Variants in XPO7 observed in about 807,000 individuals in gnomAD.
XPO7 encodes exportin-7.
A neutral mutation model predicts 144.3 loss-of-function variants in XPO7; 21 were observed. The ratio of observed to expected loss-of-function variants is 0.15; its 90% CI spans 0.10 to 0.21. The LOEUF (loss-of-function observed/expected upper bound fraction) is 0.21. XPO7 is among the 10% of genes least tolerant of loss of function. XPO7 has a pLI of 1.00. For missense variants in XPO7, 808 were observed against 1,325.8 expected (o/e 0.61, Z 6.06); for synonymous variants, 580 against 499.6 (o/e 1.16, Z -2.15).
chr8:21,940,759 G>A lies in XPO7; in HGVS notation c.18+20971G>A, dbSNP rs545598719. Among the ~76,000 whole-genome samples, 5 of 152,228 alleles carry A rather than the reference G, an allele frequency of 3.3e-5. No individual in the cohort carries two copies. In the South Asian group the frequency reaches 6.2e-4, roughly 19 times the overall value. On this transcript the variant is annotated intron_variant, in intron 1 of 27. Transcript: ENST00000252512. The stretch of plus-strand genomic sequence containing the variant: ...GCTGGGACTACAGGCATGAGCCACC[G>A]TGCCTGGCCAGTGGTCAGGCATTTT...
chr8:21,997,753 A>G (rs1284298806), intron 21 of XPO7, among the ~76,000 whole-genome samples: 2 of 152,196 alleles, frequency 1.3e-5, no homozygotes, highest in African/African-American at 4.8e-5. Flanking sequence ...GAATGGGACT[A>G]AAGGCAGGTA....
chr8:21,977,286 A>G (rs1245595988), intron 7 of XPO7, among the ~76,000 whole-genome samples: 2 of 152,216 alleles, frequency 1.3e-5, no homozygotes, highest in Admixed American at 6.5e-5. Context: ...AGTACTTTCA[A>G]AAAAAGAAAA....
At position 22,005,481 on chromosome 8, in the gene XPO7, GTGAC is replaced by G. The variant is rs1486777190; in HGVS notation, c.*397_*400del. ...TGACTCAAGTTTAAAAACAAAAAGT[GTGAC>G]TGAAAAATTTTTACAGAGTCTAGTG... On this transcript the variant is annotated 3_prime_UTR_variant, in exon 28 of 28. Coordinates refer to ENST00000252512, the MANE Select transcript of XPO7 (RefSeq NM_015024.5). The G allele has an allele frequency of 6.4e-6, 1 of 155,326 alleles. No homozygotes were observed. The highest frequency in any genetic ancestry group is 1.4e-5 in the Non-Finnish European group (1 of 69,960). The allele number at this position is 155,326 out of a possible 1,614,324, so 9.6% of individuals were successfully genotyped here. A position where few individuals can be genotyped will look rare whatever the true frequency, so the allele number is the denominator to read the frequency against.
chr8:21,930,022 T>C (rs187953235), intron 1 of XPO7, among the ~76,000 whole-genome samples: 1 of 152,372 alleles, frequency 6.6e-6, no homozygotes, highest in Non-Finnish European at 1.5e-5. Flanking sequence ...GGAATCTAAA[T>C]GCACCAGCTA....
intron 21 of XPO7, among the ~76,000 whole-genome samples, chr8:21,996,993 A>C (rs1425599926): frequency 6.6e-6 from 1 of 152,088 alleles, no homozygotes; most frequent in Admixed American, 6.5e-5. Flanking sequence ...TTTTTAGTAG[A>C]GACGGGGTTT....
At chr8:21,989,440 T>C (rs1317688441) in intron 16 of XPO7, among the ~76,000 whole-genome samples, 1 of 152,210 alleles carries the variant, frequency 6.6e-6, no homozygotes, top group Non-Finnish European at 1.5e-5. Flanking sequence ...AGCTGGTTGG[T>C]AGAAACATCC....
chr8:21,939,158 C>T (rs942184529), intron 1 of XPO7, among the ~76,000 whole-genome samples: 40 of 151,316 alleles, frequency 2.6e-4, no homozygotes, highest in African/African-American at 8.7e-4. Context: ...AATAGGTGTA[C>T]GCTTTGCCTA....
chr8:21,973,653 A>G (rs1812136481), intron 5 of XPO7, among the ~76,000 whole-genome samples: 1 of 152,248 alleles, frequency 6.6e-6, no homozygotes, highest in Non-Finnish European at 1.5e-5. Context: ...AAAAAACAAA[A>G]TGAGTCTCCT....
intron 18 of XPO7, 149 bp from the exon 19 acceptor site, chr8:21,991,719 C>G: frequency 1.9e-6 from 1 of 538,286 alleles, no homozygotes; most frequent in Non-Finnish European, 3.2e-6. Flanking sequence ...ATACATGTTG[C>G]TCTTACATTG....
Position 21,919,746 on chromosome 8 carries a change from CGG to C in XPO7, c.-24_-23del. 2.1e-6 allele frequency: 1 copy of C among 482,226 alleles called. No individual in the cohort carries two copies. Among genetic ancestry groups the C allele is most frequent in the Non-Finnish European group, 2.9e-6 (1 of 342,616 alleles). 29.9% of individuals were successfully genotyped at this position (482,226 alleles called of 1,614,324 possible). A position where few individuals can be genotyped will look rare whatever the true frequency, so the allele number is the denominator to read the frequency against. On this transcript the variant is annotated 5_prime_UTR_variant, in exon 1 of 28. Transcript: ENST00000252512. ...GTGCGCGCTGGGGGGGAGGGGGGGC[CGG>C]AGAGGAGCATGAATGGAGCAAAATG...
At chr8:21,960,317 A>G (rs192961971) in intron 1 of XPO7, among the ~76,000 whole-genome samples, 11 of 152,324 alleles carry the variant, frequency 7.2e-5, no homozygotes. Flanking sequence ...CCTCTCCTTT[A>G]GAGGATTCAC....
rs201212411 is a variant in XPO7, at chr8:21,999,420, TCTAA to T, written c.2644-111_2644-108del. 1,826 of 1,566,632 alleles carry T rather than the reference TCTAA, an allele frequency of 1.2e-3. 13 individuals carry two copies. In the African/African-American group the frequency reaches 0.017, roughly 15 times the overall value. ...AACTATGTAAGCTAGCTCCTTTTGC[TCTAA>T]CTAAGTCTTCTGTTTTCCCACCTAA... On this transcript the variant is annotated intron_variant, in intron 23 of 27. Coordinates refer to ENST00000252512, the MANE Select transcript of XPO7 (RefSeq NM_015024.5).
At chr8:21,923,221 C>G (rs904959095) in intron 1 of XPO7, among the ~76,000 whole-genome samples, 4 of 152,272 alleles carry the variant, frequency 2.6e-5, no homozygotes, top group African/African-American at 9.6e-5. Flanking sequence ...CTGGGCACTT[C>G]AGAGGATTCA....
chr8:21,999,426 T>C (rs1813064731), intron 23 of XPO7, 110 bp from the exon 24 acceptor site: 2 of 1,571,244 alleles, frequency 1.3e-6, no homozygotes, highest in Non-Finnish European at 1.7e-6. Context: ...TTGCTCTAAC[T>C]AAGTCTTCTG....
At position 21,991,914 on chromosome 8, in the gene XPO7, A is replaced by C. The variant is rs1274471705; in HGVS notation, c.2088A>C (p.Ala696=). ...QYEQFMLPLT[A]AFEAVAQMFS... ...AGCAGTTCATGCTGCCACTCACAGC[A>C]GCATTTGAGGCTGTGGCCCAGATGT... is the stretch of plus-strand genomic sequence containing the variant. The change falls in exon 19 of 28, where the codon GCA becomes GCC. Residue 696 remains alanine (A), a synonymous_variant. Transcript: ENST00000252512. 6.2e-7 allele frequency: 1 copy of C among 1,613,636 alleles called. No individual in the cohort carries two copies. The highest frequency in any genetic ancestry group is 1.7e-5 in the Admixed American group (1 of 59,882).
At chr8:21,930,107 C>T (rs1810595122) in intron 1 of XPO7, among the ~76,000 whole-genome samples, 1 of 152,200 alleles carries the variant, frequency 6.6e-6, no homozygotes, top group African/African-American at 2.4e-5. Flanking sequence ...TTTAAAACAA[C>T]TTCTGCCATT....
chr8:21,958,041 G>A (rs915583763), intron 1 of XPO7, among the ~76,000 whole-genome samples: 6 of 152,092 alleles, frequency 3.9e-5, no homozygotes, highest in African/African-American at 1.2e-4. Context: ...TAGAAATGGC[G>A]ATTTAAGCAA....
At chr8:21,985,759 T>G (rs900663040) in intron 13 of XPO7, 68 bp downstream of exon 13, 7 of 1,382,882 alleles carry the variant, frequency 5.1e-6, no homozygotes, top group Non-Finnish European at 7.2e-6. Flanking sequence ...GATAGGGTCC[T>G]CTCCACTTAC....
intron 16 of XPO7, among the ~76,000 whole-genome samples, chr8:21,989,971 T>G (rs1812714559): frequency 6.6e-6 from 1 of 151,254 alleles, no homozygotes; most frequent in Non-Finnish European, 1.5e-5. Context: ...TGCCTCAGCC[T>G]TCTGAGTAGC....
Sources: gnomAD v4.1 joint callset for allele counts (sites outside exome capture counted in the v4.1 genomes callset) on GRCh38, gnomAD v4.1.1 for gene constraint, MANE v1.5 for transcripts, NCBI Gene and HGNC (gene_info 2026-07-23, HGNC 2026-07-21) for gene names.